Variants in HHLA2 observed in about 807,000 individuals in gnomAD.
The protein encoded by HHLA2 is HERV-H LTR-associating protein 2.
A neutral mutation model predicts 45.9 loss-of-function variants in HHLA2; 48 were observed. That is an observed-to-expected ratio of 1.05 (90% CI 0.83 to 1.33). The LOEUF (loss-of-function observed/expected upper bound fraction) is 1.33, where lower values mean the gene tolerates loss of function less well. HHLA2 is among the 40% of genes most tolerant of loss of function. The probability of loss-of-function intolerance (pLI) is 0.00; values close to 1 mark genes in which losing one functional copy is unlikely to be tolerated. For synonymous variants in HHLA2, 161 were observed against 173.9 expected (o/e 0.93, Z 0.59); for missense variants, 462 against 494.3 (o/e 0.93, Z 0.62).
At chr3:108,341,434 T>C (rs1329603643) in intron 3 of HHLA2, among the ~76,000 whole-genome samples, 3 of 152,224 alleles carry the variant, frequency 2.0e-5, no homozygotes, top group Admixed American at 1.3e-4. Context: ...AAACTTCTAA[T>C]GGCTCATAAC....
intron 1 of HHLA2, among the ~76,000 whole-genome samples, chr3:108,303,890 G>A (rs1560180010): frequency 6.6e-6 from 1 of 152,138 alleles, no homozygotes; most frequent in Non-Finnish European, 1.5e-5. Flanking sequence ...CTCACAGCAG[G>A]TGACTCTGGT....
At chr3:108,347,476 G>A (rs959537530) in intron 3 of HHLA2, among the ~76,000 whole-genome samples, 6 of 152,150 alleles carry the variant, frequency 3.9e-5, no homozygotes, top group African/African-American at 1.4e-4. Flanking sequence ...GACAGGACCA[G>A]GAGTGGTGGA....
exon 10 of HHLA2, chr3:108,376,517 A>C (rs374719479): frequency 6.2e-7 from 1 of 1,612,332 alleles, no homozygotes; most frequent in Non-Finnish European, 8.5e-7. Context: ...CCTCCTGGTG[A>C]GCGCTGTCCC....
rs1046785548 is a variant in HHLA2, at chr3:108,319,463, A to G, written c.-105+8722A>G. 2.6e-5 allele frequency among the ~76,000 whole-genome samples: 4 copies of G among 152,124 alleles called. No individual in the cohort carries two copies. In the East Asian group the frequency reaches 5.8e-4, roughly 22 times the overall value. On this transcript the variant is annotated intron_variant, in intron 2 of 10. Coordinates refer to ENST00000619531, the Ensembl canonical transcript of HHLA2. ...CCTTGTCCTTCTTGAATATTCTACC[A>G]ATAAATCTTCTGCAATAATTCTGTC...
intron 2 of HHLA2, among the ~76,000 whole-genome samples, chr3:108,313,746 T>C (rs1480701671): frequency 3.3e-5 from 5 of 152,166 alleles, no homozygotes; most frequent in East Asian, 3.8e-4. Context: ...GTTATATCCA[T>C]GGGGTAGTGA....
At chr3:108,309,535 G>GT (rs1053930231) in intron 1 of HHLA2, among the ~76,000 whole-genome samples, 9 of 151,746 alleles carry the variant, frequency 5.9e-5, no homozygotes, top group Non-Finnish European at 1.3e-4. Context: ...CTCCTTTTTT[G>GT]TTTTTTTGTG....
chr3:108,333,251 T>C (rs1214251552), intron 3 of HHLA2, among the ~76,000 whole-genome samples: 1 of 152,176 alleles, frequency 6.6e-6, no homozygotes, highest in Admixed American at 6.5e-5. Context: ...CACATAGTCA[T>C]TAAGTAGAGG....
At position 108,305,456 on chromosome 3, in the gene HHLA2, G is replaced by C. The variant is rs369271807; in HGVS notation, c.-191-5199G>C. ...TCCACGGGAGGAAAGAAGATGGGGGGATTCATCTGCCCAGATCTAGTCGTT... is the reference window on the plus strand; with the variant it reads ...TCCACGGGAGGAAAGAAGATGGGGGCATTCATCTGCCCAGATCTAGTCGTT... On this transcript the variant is annotated intron_variant, in intron 1 of 10. Coordinates refer to ENST00000619531, the Ensembl canonical transcript of HHLA2. Among the ~76,000 whole-genome samples, 126 of 152,284 alleles carry C rather than the reference G, an allele frequency of 8.3e-4. 2 individuals are homozygous for C. The South Asian group carries it at 0.025, about 31-fold the overall frequency.
chr3:108,344,989 A>C (rs2081637516), intron 3 of HHLA2, among the ~76,000 whole-genome samples: 1 of 152,156 alleles, frequency 6.6e-6, no homozygotes, highest in Non-Finnish European at 1.5e-5. Flanking sequence ...ACTTTACCCC[A>C]CCTTGTGTAA....
intron 8 of HHLA2, among the ~76,000 whole-genome samples, chr3:108,369,513 G>T (rs146484995): frequency 6.6e-6 from 1 of 152,200 alleles, no homozygotes; most frequent in Admixed American, 6.5e-5. Flanking sequence ...GCAGGGTGAG[G>T]CATCACCTCA....
At chr3:108,367,697 T>C (rs2082087453) in intron 8 of HHLA2, among the ~76,000 whole-genome samples, 1 of 152,024 alleles carries the variant, frequency 6.6e-6, no homozygotes, top group African/African-American at 2.4e-5. Flanking sequence ...CCAACAAATA[T>C]GGTACTATGT....
At chr3:108,375,882 G>A in intron 9 of HHLA2, 82 bp downstream of exon 8, 1 of 1,530,222 alleles carries the variant, frequency 6.5e-7, no homozygotes, top group East Asian at 2.4e-5. Context: ...CTCTGTCACA[G>A]TATTGGCCAC....
chr3:108,347,654 A>G (rs2081690559), intron 3 of HHLA2, among the ~76,000 whole-genome samples: 1 of 152,194 alleles, frequency 6.6e-6, no homozygotes, highest in South Asian at 2.1e-4. Context: ...CAACAGTAGG[A>G]AAAGGGTAAC....
In HHLA2 at chr3:108,317,117, G is replaced by A. The variant is rs539160257; in HGVS notation, c.-105+6376G>A. Among the ~76,000 whole-genome samples the A allele has an allele frequency of 5.9e-5, 9 of 152,314 alleles. No individual in the cohort carries two copies. The South Asian group carries it at 1.9e-3, about 32-fold the overall frequency. On this transcript the variant is annotated intron_variant, in intron 2 of 10. Coordinates refer to ENST00000619531, the Ensembl canonical transcript of HHLA2. ...TTCCTCTCACCAAAGCATGTACCAT[G>A]GTAGGAGGCAGGGTCTACCTGGAAG...
At chr3:108,344,664 C>T (rs1018909903) in intron 3 of HHLA2, among the ~76,000 whole-genome samples, 5 of 152,160 alleles carry the variant, frequency 3.3e-5, no homozygotes, top group Non-Finnish European at 7.3e-5. Flanking sequence ...CTTGGCCTCA[C>T]ATGTGCACAT....
At position 108,376,920 on chromosome 3, in the gene HHLA2, T is replaced by G. The variant is rs187149304; in HGVS notation, c.1225-338T>G. The G allele has an allele frequency of 6.7e-4, 229 of 340,276 alleles. 2 individuals carry two copies. The highest frequency in any genetic ancestry group is 4.6e-3 in the African/African-American group (218 of 47,142). The allele number at this position is 340,276 out of a possible 1,614,324, so 21.1% of individuals were successfully genotyped here. On this transcript the variant is annotated intron_variant, in intron 10 of 10. Coordinates refer to ENST00000619531, the Ensembl canonical transcript of HHLA2. ...GAAAGAAACACAACTATAATTCACT[T>G]GCAAATTATAGTTTGATTGTATACT...
At chr3:108,361,618 T>A (rs1339262192) in intron 7 of HHLA2, among the ~76,000 whole-genome samples, 1 of 152,152 alleles carries the variant, frequency 6.6e-6, no homozygotes. Flanking sequence ...CTTCTACCTA[T>A]AAAACTGTGA....
chr3:108,308,669 C>A (rs949927738), intron 1 of HHLA2, among the ~76,000 whole-genome samples: 1 of 152,176 alleles, frequency 6.6e-6, no homozygotes, highest in Non-Finnish European at 1.5e-5. Flanking sequence ...TCCTTGCCAG[C>A]ATTTGTTATT....
chr3:108,307,058 G>A (rs142868624), intron 1 of HHLA2, among the ~76,000 whole-genome samples: 1,924 of 152,174 alleles, frequency 0.013, 48 homozygotes, highest in African/African-American at 0.044. Context: ...GTTTCACCAC[G>A]TTGGCCAGGC....
Sources: gnomAD v4.1 joint callset for allele counts (sites outside exome capture counted in the v4.1 genomes callset) on GRCh38, gnomAD v4.1.1 for gene constraint, MANE v1.5 for transcripts, NCBI Gene and HGNC (gene_info 2026-07-23, HGNC 2026-07-21) for gene names.